The following BANF2 variants were observed in gnomAD, a reference collection of about 807,000 sequenced individuals.
BANF2 encodes the protein BANF family member 2, also known as barrier-to-autointegration factor-like protein.
In BANF2, 4 loss-of-function variants were observed where a neutral mutation model predicts 8.0. That is an observed-to-expected ratio of 0.50 (90% CI 0.25 to 1.14). The LOEUF (loss-of-function observed/expected upper bound fraction) is 1.14, where lower values mean the gene tolerates loss of function less well. Among genes scored for constraint, BANF2 ranks in the 50% most tolerant of loss-of-function variants. The pLI is 0.16. For missense variants in BANF2, 96 were observed against 107.5 expected (o/e 0.89, Z 0.47); for synonymous variants, 50 against 40.6 (o/e 1.23, Z -0.88).
Position 17,713,991 on chromosome 20 carries a change from C to T in BANF2, c.-166-8725C>T, listed in dbSNP as rs148039024. On this transcript the variant is annotated intron_variant, in intron 1 of 3. Coordinates refer to ENST00000246090, the MANE Select transcript of BANF2 (RefSeq NM_178477.5). ...GAGGTCGAGGCAGGCAGATCACCTGCGGTCAGGAGTTCAAGACCAGCCTGG... is the reference window on the plus strand; with the variant it reads ...GAGGTCGAGGCAGGCAGATCACCTGTGGTCAGGAGTTCAAGACCAGCCTGG... Among the ~76,000 whole-genome samples, 589 of 151,560 alleles carry T rather than the reference C, an allele frequency of 3.9e-3. 4 individuals carry two copies. The highest frequency in any genetic ancestry group is 0.013 in the African/African-American group (555 of 41,344).
At chr20:17,705,757 T>C (rs745349848) in intron 1 of BANF2, among the ~76,000 whole-genome samples, 12 of 152,252 alleles carry the variant, frequency 7.9e-5, no homozygotes, top group Non-Finnish European at 1.5e-4. Context: ...GGCAAGGTTA[T>C]GCAACTAGTT....
In BANF2 at chr20:17,725,015, T is replaced by G; in HGVS notation, c.-3-8T>G. ...GCTAATCCTCCTCTCTCCCCACTGCTGTCGCAGGAGATGGACAACATGTCT... is the reference window on the plus strand; with the variant it reads ...GCTAATCCTCCTCTCTCCCCACTGCGGTCGCAGGAGATGGACAACATGTCT... On this transcript the variant is annotated splice_region_variant and splice_polypyrimidine_tract_variant and intron_variant, in intron 2 of 3. Transcript: ENST00000246090. 6.2e-7 allele frequency: 1 copy of G among 1,604,918 alleles called. No individual in the cohort carries two copies. Among genetic ancestry groups the G allele is most frequent in the Admixed American group, 1.7e-5 (1 of 59,980 alleles).
intron 1 of BANF2, among the ~76,000 whole-genome samples, chr20:17,701,977 G>C (rs1290307916): frequency 6.6e-6 from 1 of 152,162 alleles, no homozygotes; most frequent in Non-Finnish European, 1.5e-5. Flanking sequence ...TGCCAAGTGT[G>C]TTTCCAGAGA....
chr20:17,717,488 G>T (rs968336920), intron 1 of BANF2, among the ~76,000 whole-genome samples: 1 of 152,160 alleles, frequency 6.6e-6, no homozygotes, highest in South Asian at 2.1e-4. Context: ...GAAAATGAAG[G>T]CACCGAGCAA....
upstream of BANF2, among the ~76,000 whole-genome samples, chr20:17,699,154 A>G (rs990197413): frequency 2.0e-5 from 3 of 152,222 alleles, no homozygotes; most frequent in African/African-American, 7.2e-5. Context: ...TTTGGACTCT[A>G]AAATTTAGGG....
intron 1 of BANF2, among the ~76,000 whole-genome samples, chr20:17,710,202 G>A (rs1319715819): frequency 1.3e-5 from 2 of 152,216 alleles, no homozygotes. Flanking sequence ...GCAGGGCGAA[G>A]AGCCACCATG....
upstream of BANF2, among the ~76,000 whole-genome samples, chr20:17,695,303 A>T (rs1469464762): frequency 1.3e-5 from 2 of 151,598 alleles, no homozygotes; most frequent in Admixed American, 6.6e-5. Flanking sequence ...ATTAAAAAAA[A>T]ATTAGCTGGG....
chr20:17,730,851 A>G (rs6034891), intron 3 of BANF2, among the ~76,000 whole-genome samples: 46,764 of 152,164 alleles, frequency 0.31, 7,441 homozygotes, highest in East Asian at 0.47. Context: ...TAAGTTTGGG[A>G]TTTTTCTGCC....
rs1056093057 is a variant in BANF2, at chr20:17,729,747, A to G, written c.126+4596A>G. Among the ~76,000 whole-genome samples, 180 of 152,252 alleles carry G rather than the reference A, an allele frequency of 1.2e-3. 1 individual carries two copies. Among genetic ancestry groups the G allele is most frequent in the African/African-American group, 4.2e-3 (176 of 41,546 alleles). On this transcript the variant is annotated intron_variant, in intron 3 of 3. Transcript: ENST00000246090. ...GGAGACTCTGTCTCAAAAAAGAAAAAGGTGGACGCTAGTTTGTCTGCACAT... is the reference window on the plus strand; with the variant it reads ...GGAGACTCTGTCTCAAAAAAGAAAAGGGTGGACGCTAGTTTGTCTGCACAT...
chr20:17,721,496 A>G (rs555599801), intron 1 of BANF2, among the ~76,000 whole-genome samples: 1 of 151,692 alleles, frequency 6.6e-6, no homozygotes, highest in East Asian at 1.9e-4. Context: ...GGTTCAAGCA[A>G]TTCTCCTGCC....
rs80222662 is a variant in BANF2, at chr20:17,712,462, C to T, written c.-166-10254C>T. 7.8e-4 allele frequency: 712 copies of T among 915,236 alleles called. 3 individuals are homozygous for T. The African/African-American group carries it at 0.012, about 15-fold the overall frequency. 56.7% of individuals were successfully genotyped at this position (915,236 alleles called of 1,614,324 possible). ...AGGCAAGCCACCAAGTCCCATGCACCATTCCCACAGCCCGACAACCTTCCT... is the reference window on the plus strand; with the variant it reads ...AGGCAAGCCACCAAGTCCCATGCACTATTCCCACAGCCCGACAACCTTCCT... On this transcript the variant is annotated intron_variant, in intron 1 of 3. Coordinates refer to ENST00000246090, the MANE Select transcript of BANF2 (RefSeq NM_178477.5).
intron 3 of BANF2, among the ~76,000 whole-genome samples, chr20:17,734,682 T>C (rs1437481749): frequency 2.0e-5 from 3 of 151,898 alleles, no homozygotes. Flanking sequence ...GGAGGGAGGG[T>C]GCCACCGGCA....
At chr20:17,697,073 G>A (rs6044958), upstream of BANF2, among the ~76,000 whole-genome samples, 1 of 152,192 alleles carries the variant, frequency 6.6e-6, no homozygotes, top group East Asian at 1.9e-4. Context: ...CACAGTGCAG[G>A]TGTGAGGCTG....
chr20:17,712,869 G>A (rs781293970), intron 1 of BANF2, among the ~76,000 whole-genome samples: 13 of 152,162 alleles, frequency 8.5e-5, no homozygotes, highest in Non-Finnish European at 1.9e-4. Flanking sequence ...TGGCCAGATG[G>A]TGGAAGCAAC....
intron 1 of BANF2, among the ~76,000 whole-genome samples, chr20:17,717,860 G>A (rs2037678459): frequency 6.6e-6 from 1 of 152,080 alleles, no homozygotes; most frequent in Non-Finnish European, 1.5e-5. Context: ...ACTTCCCTGG[G>A]GTAGGCAATA....
At chr20:17,735,096 T>C (rs1435362409) in intron 3 of BANF2, among the ~76,000 whole-genome samples, 2 of 151,356 alleles carry the variant, frequency 1.3e-5, no homozygotes, top group Non-Finnish European at 2.9e-5. Flanking sequence ...ATAAAATAAA[T>C]AAACAAATAA....
At chr20:17,695,372 G>C (rs535577306), upstream of BANF2, among the ~76,000 whole-genome samples, 25 of 149,534 alleles carry the variant, frequency 1.7e-4, no homozygotes, top group Non-Finnish European at 1.5e-5. Flanking sequence ...CTTGAGCCTG[G>C]GAGGTCAAGG....
At chr20:17,723,919 C>T (rs2037766190) in intron 2 of BANF2, among the ~76,000 whole-genome samples, 1 of 152,156 alleles carries the variant, frequency 6.6e-6, no homozygotes, top group African/African-American at 2.4e-5. Flanking sequence ...AGCTTGAACG[C>T]AGGAGGCAGT....
chr20:17,734,902 C>T (rs1323877047), intron 3 of BANF2, among the ~76,000 whole-genome samples: 1 of 152,146 alleles, frequency 6.6e-6, no homozygotes, highest in Non-Finnish European at 1.5e-5. Flanking sequence ...GCCTGGACAA[C>T]ATGGCAAAAC....
Sources: gnomAD v4.1 joint callset for allele counts (sites outside exome capture counted in the v4.1 genomes callset) on GRCh38, gnomAD v4.1.1 for gene constraint, MANE v1.5 for transcripts, NCBI Gene and HGNC (gene_info 2026-07-23, HGNC 2026-07-21) for gene names.